Variants in SEC14L1 observed in about 807,000 individuals in gnomAD.
The protein encoded by SEC14L1 is SEC14 like lipid binding 1.
A neutral mutation model predicts 85.3 loss-of-function variants in SEC14L1; 48 were observed. The observed-to-expected ratio is 0.56, with a 90% CI of 0.45 to 0.72. The LOEUF is 0.72. Among genes scored for constraint, SEC14L1 ranks in the 30% least tolerant of loss-of-function variants. The pLI is 0.00. For missense variants in SEC14L1, 682 were observed against 921.4 expected, an observed-to-expected ratio of 0.74 and a Z score of 3.36; for synonymous variants, 391 against 355.5, an observed-to-expected ratio of 1.10 and a Z score of -1.12.
chr17:77,118,175 C>T (rs115976322), intron 3 of SEC14L1, among the ~76,000 whole-genome samples: 4,252 of 152,364 alleles, frequency 0.028, 119 homozygotes, highest in African/African-American at 0.061. Flanking sequence ...GTGCGGCAGG[C>T]CGCACTGTGG....
chr17:77,169,007 CTTTTTTTTTTTTTTTTT>C (rs71160208), intron 3 of SEC14L1, among the ~76,000 whole-genome samples: 1 of 77,832 alleles, frequency 1.3e-5, no homozygotes, highest in Admixed American at 1.6e-4. Flanking sequence ...TGAGGAGCAT[CTTTTTTTTTTTTTTTTT>C]TTTTTTTTTT....
intron 3 of SEC14L1, among the ~76,000 whole-genome samples, chr17:77,100,247 T>C (rs1056548186): frequency 3.3e-5 from 5 of 152,236 alleles, no homozygotes; most frequent in African/African-American, 1.2e-4. Context: ...TGCTTCCCCT[T>C]CTGCACCCTC....
intron 3 of SEC14L1, among the ~76,000 whole-genome samples, chr17:77,106,004 A>T (rs1019130545): frequency 6.6e-6 from 1 of 151,932 alleles, no homozygotes; most frequent in Admixed American, 6.6e-5. Context: ...AAAAAAAGGA[A>T]AAGTCAGTCT....
intron 7 of SEC14L1, among the ~76,000 whole-genome samples, chr17:77,195,318 TTG>T (rs1975753886): frequency 1.3e-5 from 2 of 150,478 alleles, no homozygotes; most frequent in African/African-American, 2.4e-5. Context: ...TTTTTTTTGT[TTG>T]TTTGTTTGTT....
intron 3 of SEC14L1, chr17:77,181,262 A>G (rs939895396): frequency 3.3e-5 from 5 of 152,424 alleles, no homozygotes; most frequent in African/African-American, 9.6e-5. Context: ...CTCTGCAGAC[A>G]TCACCACCCC....
intron 3 of SEC14L1, among the ~76,000 whole-genome samples, chr17:77,121,944 A>T (rs1304117172): frequency 2.6e-5 from 4 of 152,184 alleles, no homozygotes; most frequent in Non-Finnish European, 5.9e-5. Context: ...GCTAAGCCTG[A>T]GGAACACCAC....
chr17:77,147,415 G>A (rs1005745403), intron 3 of SEC14L1, among the ~76,000 whole-genome samples: 7 of 152,040 alleles, frequency 4.6e-5, no homozygotes, highest in Admixed American at 3.9e-4. Context: ...TCGCTTGAGT[G>A]GTATTTACAT....
intron 3 of SEC14L1, among the ~76,000 whole-genome samples, chr17:77,122,667 T>C (rs1972330496): frequency 6.6e-6 from 1 of 152,214 alleles, no homozygotes; most frequent in African/African-American, 2.4e-5. Context: ...TGTGCTCTCG[T>C]TGCTTGTAGC....
intron 3 of SEC14L1, among the ~76,000 whole-genome samples, chr17:77,097,797 A>G (rs1221741162): frequency 5.9e-5 from 9 of 152,182 alleles, no homozygotes; most frequent in Admixed American, 5.9e-4. Context: ...CCCTCCTCTC[A>G]GAGAACTTAT....
chr17:77,212,322 T>G (rs554886003), intron 15 of SEC14L1, 121 bp downstream of exon 15: 1 of 1,397,254 alleles, frequency 7.2e-7, no homozygotes, highest in Admixed American at 2.2e-5. Context: ...AGGCCCTGCT[T>G]GTGGAGGAGC....
chr17:77,095,209 G>A (rs917247873), intron 3 of SEC14L1, among the ~76,000 whole-genome samples: 6 of 152,190 alleles, frequency 3.9e-5, no homozygotes, highest in East Asian at 1.9e-4. Context: ...TATTTATAGC[G>A]TGGAAAATGG....
At chr17:77,143,699 T>G in intron 3 of SEC14L1, 40 bp downstream of exon 3, 1 of 1,404,606 alleles carries the variant, frequency 7.1e-7, no homozygotes, top group South Asian at 1.2e-5. Context: ...TGGCTTCTTA[T>G]TTATAAAGTA....
At position 77,203,726 on chromosome 17, in the gene SEC14L1, G is replaced by A. The variant is rs912890848; in HGVS notation, c.1098+68G>A. The A allele has an allele frequency of 4.8e-6, 6 of 1,239,704 alleles. No homozygotes were observed. The African/African-American group carries it at 6.0e-5, about 12-fold the overall frequency. The allele number at this position is 1,239,704 out of a possible 1,614,324, so 76.8% of individuals were successfully genotyped here. ...ACTTTTTTTCTCTGCCAGTAGGATT[G>A]GGGTGTTAACCAGCCTGTTAGAACA... On this transcript the variant is annotated intron_variant, in intron 10 of 16. Coordinates refer to ENST00000436233, the MANE Select transcript of SEC14L1 (RefSeq NM_001143998.2).
rs184882527 is a variant in SEC14L1, at chr17:77,214,775, G to C, written c.*752G>C. The C allele has an allele frequency of 2.0e-6, 2 of 985,374 alleles. No individual in the cohort carries two copies. The highest frequency in any genetic ancestry group is 1.7e-5 in the African/African-American group (1 of 57,288). The allele number at this position is 985,374 out of a possible 1,614,324, so 61.0% of individuals were successfully genotyped here. A position where few individuals can be genotyped will look rare whatever the true frequency, so the allele number is the denominator to read the frequency against. ...GATTTTTCTGTATGTGAACTTGGGT[G>C]GGGGGGTTCTTCCCGTTTCCTTCCG... On this transcript the variant is annotated 3_prime_UTR_variant, in exon 17 of 17. Transcript: ENST00000436233.
At chr17:77,088,862 T>G (rs1471485887) in exon 1 of SEC14L1, 2 of 155,236 alleles carry the variant, frequency 1.3e-5, no homozygotes, top group African/African-American at 4.8e-5. Flanking sequence ...TGCCGGGGGC[T>G]GGAGGCACTG....
intron 3 of SEC14L1, among the ~76,000 whole-genome samples, chr17:77,190,422 A>C (rs1422171025): frequency 6.6e-6 from 1 of 152,192 alleles, no homozygotes; most frequent in East Asian, 1.9e-4. Flanking sequence ...GTAGTTATAG[A>C]GTAAGCCTTA....
rs772524683 is a variant in SEC14L1, at chr17:77,190,800, T to C, written c.64-3T>C. 1.6e-5 allele frequency: 26 copies of C among 1,614,020 alleles called. No individual in the cohort carries two copies. The South Asian group carries it at 2.9e-4, about 18-fold the overall frequency. ...TCTGCTTTCTTGGTTTTTAAATTTA[T>C]AGGCCTATGAAAGGAGGTTCCCTAC... On this transcript the variant is annotated splice_region_variant and splice_polypyrimidine_tract_variant and intron_variant, in intron 3 of 16. Coordinates refer to ENST00000436233, the MANE Select transcript of SEC14L1 (RefSeq NM_001143998.2).
At chr17:77,165,030 G>A (rs1265378663) in intron 3 of SEC14L1, among the ~76,000 whole-genome samples, 1 of 152,174 alleles carries the variant, frequency 6.6e-6, no homozygotes, top group East Asian at 1.9e-4. Flanking sequence ...AGGGCTACCT[G>A]TAACCGGAAA....
In SEC14L1 at chr17:77,213,261, G is replaced by T; in HGVS notation, c.1864-53G>T. 6.6e-7 allele frequency: 1 copy of T among 1,509,342 alleles called. No individual in the cohort carries two copies. Among genetic ancestry groups the T allele is most frequent in the Non-Finnish European group, 9.0e-7 (1 of 1,114,404 alleles). The allele number at this position is 1,509,342 out of a possible 1,614,324, so 93.5% of individuals were successfully genotyped here. The stretch of plus-strand genomic sequence containing the variant: ...TTGGCGCTTGTCAGGCCTGTGGTAG[G>T]CCAGGGGTCGGAAGCGAGTCGCCCT... On this transcript the variant is annotated intron_variant, in intron 15 of 16. Transcript: ENST00000436233. The surrounding 1 kb of genome is among the most constrained non-coding windows in gnomAD (Gnocchi z 7.1).
Sources: gnomAD v4.1 joint callset for allele counts (sites outside exome capture counted in the v4.1 genomes callset) on GRCh38, gnomAD v4.1.1 for gene constraint, Gnocchi (gnomAD v3.1) non-coding constraint, MANE v1.5 for transcripts, NCBI Gene and HGNC (gene_info 2026-07-23, HGNC 2026-07-21) for gene names.